Variants in MMP2 observed in about 807,000 individuals in gnomAD.
MMP2 encodes the protein matrix metallopeptidase 2.
A neutral mutation model predicts 74.8 loss-of-function variants in MMP2; 39 were observed. That is an observed-to-expected ratio of 0.52 (90% CI 0.40 to 0.68). The LOEUF (loss-of-function observed/expected upper bound fraction) is 0.68, where lower values mean the gene tolerates loss of function less well. MMP2 is among the 30% of genes least tolerant of loss of function. MMP2 has a pLI of 0.00. For synonymous variants in MMP2, 367 were observed against 339.8 expected, an observed-to-expected ratio of 1.08 and a Z score of -0.88; for missense variants, 803 against 878.3, an observed-to-expected ratio of 0.91 and a Z score of 1.08.
intron 9 of MMP2, 72 bp from the exon 10 acceptor site, chr16:55,496,854 T>C: frequency 6.3e-7 from 1 of 1,597,112 alleles, no homozygotes; most frequent in East Asian, 2.2e-5. Flanking sequence ...TGGGTGGGTT[T>C]GGGGGTGTGT....
chr16:55,482,934 G>A lies in MMP2; in HGVS notation c.179G>A (p.Cys60Tyr), dbSNP rs1962141554. The A allele has an allele frequency of 6.2e-7, 1 of 1,614,084 alleles. No individual in the cohort carries two copies. The highest frequency in any genetic ancestry group is 8.5e-7 in the Non-Finnish European group (1 of 1,180,036). ...AVQYLNTFYG[C>Y]PKESCNLFVL... The stretch of plus-strand genomic sequence containing the variant: ...CAATACCTGAACACCTTCTATGGCT[G>A]CCCCAAGGAGAGCTGCAACCTGTTT... Residue 60 changes from cysteine to tyrosine, a missense_variant, in exon 2 of 13, where the codon TGC becomes TAC. Physicochemically the swap from Cys to Tyr is radical, Grantham distance 194. Transcript: ENST00000219070.
Position 55,502,988 on chromosome 16 carries a change from A to C in MMP2, c.1879+100A>C, listed in dbSNP as rs1346974051. 3.1e-6 allele frequency: 3 copies of C among 960,728 alleles called. No homozygotes were observed. In the African/African-American group the frequency reaches 4.8e-5, roughly 15 times the overall value. The allele number at this position is 960,728 out of a possible 1,614,324, so 59.5% of individuals were successfully genotyped here. Reference sequence around the variant, plus strand: ...CACTTCTTTATTGTGCAGGGCAGGCAGGCAGGCGGCGCCCAGGAAAACAAA... The same window carrying C: ...CACTTCTTTATTGTGCAGGGCAGGCCGGCAGGCGGCGCCCAGGAAAACAAA... On this transcript the variant is annotated intron_variant, in intron 12 of 12. Coordinates refer to ENST00000219070, the MANE Select transcript of MMP2 (RefSeq NM_004530.6).
chr16:55,493,556 G>A (rs932514630), intron 9 of MMP2, among the ~76,000 whole-genome samples: 8 of 152,308 alleles, frequency 5.3e-5, no homozygotes, highest in East Asian at 1.9e-4. Context: ...TGCTCTGCCT[G>A]TTGTTCTCAT....
At chr16:55,491,158 G>A (rs1485844488) in intron 7 of MMP2, among the ~76,000 whole-genome samples, 2 of 151,422 alleles carry the variant, frequency 1.3e-5, no homozygotes, top group Non-Finnish European at 2.9e-5. Flanking sequence ...TCTGCCTCCT[G>A]GGTTCAAGTG....
At chr16:55,488,447 C>A (rs1438747968) in intron 5 of MMP2, 96 bp from the exon 6 acceptor site, 3 of 1,218,144 alleles carry the variant, frequency 2.5e-6, no homozygotes, top group African/African-American at 3.0e-5. Flanking sequence ...AATGCATCAA[C>A]TTCACTGGTG....
At position 55,479,642 on chromosome 16, in the gene MMP2, T is replaced by A; in HGVS notation, c.153+10T>A. ...CAAAGAGTTGGCAGTGGTGAGTTGC[T>A]GCGCTGGCCTCAAGGAACCACGTTT... On this transcript the variant is annotated intron_variant, in intron 1 of 12. Transcript: ENST00000219070. The A allele has an allele frequency of 6.2e-7, 1 of 1,613,646 alleles. No homozygotes were observed. The highest frequency in any genetic ancestry group is 8.5e-7 in the Non-Finnish European group (1 of 1,179,990).
intron 1 of MMP2, chr16:55,481,674 T>A (rs1021762889): frequency 1.3e-5 from 7 of 540,756 alleles, no homozygotes; most frequent in Non-Finnish European, 2.4e-5. Flanking sequence ...GAAGTCTGTG[T>A]TGTCCAGAGG....
intron 2 of MMP2, 106 bp from the exon 3 acceptor site, chr16:55,483,906 TACAC>T: frequency 8.6e-7 from 1 of 1,158,914 alleles, no homozygotes; most frequent in Non-Finnish European, 1.3e-6. Flanking sequence ...TATGTTCACA[TACAC>T]ACACACACTC....
At position 55,489,684 on chromosome 16, in the gene MMP2, C is replaced by T; in HGVS notation, c.1040C>T (p.Ala347Val). ...ACTGTTGGTGGGAACTCAGAAGGTG[C>T]CCCCTGTGTCTTCCCCTTCACTTTC... ...MSTVGGNSEG[A>V]PCVFPFTFLG... The change falls in exon 7 of 13, where the codon GCC (alanine) becomes GTC (valine). Residue 347 changes from alanine (A) to valine (V), a missense_variant. Ala to Val is a moderately conservative substitution (Grantham distance 64). Around this residue, in one of 3 missense-constraint regions of MMP2, gnomAD observed 555 missense variants for 592.0 expected, o/e 0.94. Transcript: ENST00000219070. 1 of 1,614,106 alleles carries T rather than the reference C, an allele frequency of 6.2e-7. No homozygotes were observed. Among genetic ancestry groups the T allele is most frequent in the Non-Finnish European group, 8.5e-7 (1 of 1,180,016 alleles).
intron 3 of MMP2, among the ~76,000 whole-genome samples, chr16:55,484,931 G>A (rs1460435064): frequency 1.3e-5 from 2 of 152,138 alleles, no homozygotes; most frequent in East Asian, 1.9e-4. Flanking sequence ...GTGGTTAAGA[G>A]GGCAGTATTG....
At chr16:55,488,923 C>T in intron 6 of MMP2, 2 of 626,818 alleles carry the variant, frequency 3.2e-6, no homozygotes, top group Non-Finnish European at 5.6e-6. Flanking sequence ...TCAGAACAGA[C>T]ATTGGGCATC....
At chr16:55,488,453 T>C in intron 5 of MMP2, 90 bp from the exon 6 acceptor site, 1 of 1,261,504 alleles carries the variant, frequency 7.9e-7, no homozygotes. Context: ...TCAACTTCAC[T>C]GGTGTGAACC....
intron 11 of MMP2, among the ~76,000 whole-genome samples, chr16:55,501,106 G>C (rs1347366696): frequency 6.6e-6 from 1 of 152,206 alleles, no homozygotes; most frequent in Non-Finnish European, 1.5e-5. Flanking sequence ...CCATAGCCCA[G>C]CCTGAGGCTA....
intron 10 of MMP2, 33 bp from the exon 11 acceptor site, chr16:55,498,256 C>T: frequency 1.2e-6 from 2 of 1,612,756 alleles, no homozygotes; most frequent in South Asian, 2.2e-5. Flanking sequence ...GGCATGTCAG[C>T]ACCAGCCAAC....
At position 55,488,663 on chromosome 16, in the gene MMP2, G is replaced by A; in HGVS notation, c.953G>A (p.Gly318Asp). The change falls in exon 6 of 13, where the codon GGC becomes GAC. Residue 318 changes from glycine (G) to aspartate (D), a missense_variant. Gly to Asp is a moderately conservative substitution (Grantham distance 94). Transcript: ENST00000219070. ...CGCACGGATGGCTACCGCTGGTGCG[G>A]CACCACTGAGGACTACGACCGCGAC... ...EGRTDGYRWC[G>D]TTEDYDRDKK... The A allele has an allele frequency of 6.2e-7, 1 of 1,613,036 alleles. No individual in the cohort carries two copies.
intron 2 of MMP2, 140 bp from the exon 3 acceptor site, chr16:55,483,876 C>T (rs1403870116): frequency 3.5e-5 from 30 of 859,764 alleles, no homozygotes; most frequent in Admixed American, 2.1e-4. Flanking sequence ...GCACCCTTCC[C>T]GTGCTTGTGC....
rs760625271 is a variant in MMP2 at position 55,498,378 on chromosome 16, C to T, written c.1699C>T (p.Arg567Ter). ...CCTGGGACTGCCCCCTGATGTCCAG[C>T]GAGTGGATGCCGCCTTTAACTGGAG... is the stretch of plus-strand genomic sequence containing the variant. The part of the protein sequence containing the change: ...TSLGLPPDVQ[R>*]VDAAFNWSKN... The change falls in exon 11 of 13, where the codon CGA becomes TGA. Residue 567 changes from arginine (R) to a stop codon, truncating the protein, a stop_gained. Transcript: ENST00000219070. LOFTEE classifies it high-confidence loss of function. The T allele has an allele frequency of 3.1e-6, 5 of 1,614,234 alleles. No homozygotes were observed. The highest frequency in any genetic ancestry group is 2.2e-5 in the East Asian group (1 of 44,884).
rs1962800162 is a variant in MMP2, at chr16:55,506,307, A to G, written c.*865A>G. On this transcript the variant is annotated 3_prime_UTR_variant, in exon 13 of 13. Coordinates refer to ENST00000219070, the MANE Select transcript of MMP2 (RefSeq NM_004530.6). ...AGACCCAGCCAGAAGCGGAAACTTA[A>G]AAAGTCCGAATCTCTGCTCCCTGCA... is the stretch of plus-strand genomic sequence containing the variant. 6.6e-6 allele frequency: 1 copy of G among 152,244 alleles called. No individual in the cohort carries two copies. Among genetic ancestry groups the G allele is most frequent in the Non-Finnish European group, 1.5e-5 (1 of 68,070 alleles). 9.4% of individuals were successfully genotyped at this position (152,244 alleles called of 1,614,324 possible). A position where few individuals can be genotyped will look rare whatever the true frequency, so the allele number is the denominator to read the frequency against.
Position 55,493,155 on chromosome 16 carries a change from C to T in MMP2, c.1337-3C>T. On this transcript the variant is annotated splice_region_variant and splice_polypyrimidine_tract_variant and intron_variant, in intron 8 of 12. Transcript: ENST00000219070. ...AGAGTCTAAGGTCAGGTGTTCTCCCCAGGGGCCTCTCCTGACATTGACCTT... is the reference window on the plus strand; with the variant it reads ...AGAGTCTAAGGTCAGGTGTTCTCCCTAGGGGCCTCTCCTGACATTGACCTT... The T allele has an allele frequency of 1.2e-6, 2 of 1,613,514 alleles. No individual in the cohort carries two copies. The highest frequency in any genetic ancestry group is 1.7e-6 in the Non-Finnish European group (2 of 1,179,992).
Sources: gnomAD v4.1 joint callset for allele counts (sites outside exome capture counted in the v4.1 genomes callset) on GRCh38, gnomAD v4.1.1 for gene constraint, gnomAD v4.1.1 regional missense constraint, MANE v1.5 for transcripts, NCBI Gene and HGNC (gene_info 2026-07-23, HGNC 2026-07-21) for gene names.